ALDH1A2: variants seen among roughly 807,000 people sequenced by gnomAD.
ALDH1A2 encodes aldehyde dehydrogenase 1 family member A2, also known as retinal dehydrogenase 2.
A neutral mutation model predicts 60.3 loss-of-function variants in ALDH1A2; 27 were observed. That is an observed-to-expected ratio of 0.45 (90% confidence interval 0.33 to 0.62). ALDH1A2 has a LOEUF of 0.62. Among genes scored for constraint, ALDH1A2 ranks in the 20% least tolerant of loss-of-function variants. The pLI is 0.02. For synonymous variants in ALDH1A2, 289 were observed against 232.4 expected (o/e 1.24, Z -2.21); for missense variants, 581 against 643.8 (o/e 0.90, Z 1.06).
chr15:57,979,184 C>G (rs1338013246), intron 7 of ALDH1A2, among the ~76,000 whole-genome samples: 1 of 152,190 alleles, frequency 6.6e-6, no homozygotes, highest in Non-Finnish European at 1.5e-5. Flanking sequence ...GAAATCCAGC[C>G]ACTTGGGAGC....
Position 58,040,264 on chromosome 15 carries a change from A to G in ALDH1A2, c.117+25270T>C, listed in dbSNP as rs35746724. Among the ~76,000 whole-genome samples the G allele has an allele frequency of 2.6e-4, 39 of 152,014 alleles. No individual in the cohort carries two copies. In the East Asian group the frequency reaches 7.2e-3, roughly 28 times the overall value. The stretch of plus-strand genomic sequence containing the variant: ...ACTGGCTCTCTGAATCCACAGCTGA[A>G]GAGGCAGAATTGTTTGATAAGTACA... On this transcript the variant is annotated intron_variant, in intron 1 of 12. Coordinates refer to ENST00000249750, the MANE Select transcript of ALDH1A2 (RefSeq NM_003888.4).
At chr15:58,053,883 C>T (rs1293886175) in intron 1 of ALDH1A2, among the ~76,000 whole-genome samples, 1 of 152,118 alleles carries the variant, frequency 6.6e-6, no homozygotes, top group Non-Finnish European at 1.5e-5. Flanking sequence ...GCAATTACAG[C>T]CAACACGTGT....
chr15:58,050,313 C>G (rs150712201), intron 1 of ALDH1A2, among the ~76,000 whole-genome samples: 26 of 152,112 alleles, frequency 1.7e-4, no homozygotes, highest in Non-Finnish European at 3.2e-4. Flanking sequence ...TGTTTATTAA[C>G]TGGTCACAGA....
chr15:57,971,544 G>A (rs1894066865), intron 7 of ALDH1A2, among the ~76,000 whole-genome samples: 1 of 151,778 alleles, frequency 6.6e-6, no homozygotes, highest in South Asian at 2.1e-4. Context: ...TCCCAACTCA[G>A]CCTGAGTAGC....
intron 1 of ALDH1A2, among the ~76,000 whole-genome samples, chr15:58,032,294 G>T (rs1896260918): frequency 6.6e-6 from 1 of 151,976 alleles, no homozygotes; most frequent in South Asian, 2.1e-4. Context: ...TCATAGGTGG[G>T]AATTGAACAA....
intron 1 of ALDH1A2, among the ~76,000 whole-genome samples, chr15:58,028,991 C>A (rs1258679562): frequency 2.0e-5 from 3 of 152,112 alleles, no homozygotes; most frequent in African/African-American, 7.2e-5. Flanking sequence ...GATACATCTA[C>A]AAGAAAGAAG....
intron 1 of ALDH1A2, among the ~76,000 whole-genome samples, chr15:58,017,578 C>T (rs1324195179): frequency 1.3e-5 from 2 of 152,052 alleles, no homozygotes; most frequent in African/African-American, 2.4e-5. Context: ...CTATAACCTA[C>T]TAGAGATCTG....
intron 1 of ALDH1A2, among the ~76,000 whole-genome samples, chr15:58,027,633 A>G (rs1426074245): frequency 3.9e-5 from 6 of 152,206 alleles, no homozygotes; most frequent in Admixed American, 2.0e-4. Flanking sequence ...ACCCATCACA[A>G]GAAATCTAAA....
At chr15:58,025,438 T>C (rs1456566955) in intron 1 of ALDH1A2, among the ~76,000 whole-genome samples, 2 of 152,060 alleles carry the variant, frequency 1.3e-5, no homozygotes, top group Non-Finnish European at 2.9e-5. Context: ...CCTGGAAACA[T>C]ATAAGCTACC....
chr15:57,980,270 G>T (rs1485512938), intron 7 of ALDH1A2: 1 of 368,286 alleles, frequency 2.7e-6, no homozygotes, highest in Non-Finnish European at 5.5e-6. Context: ...CCCTGCTAGG[G>T]CAAAAAGAGA....
At chr15:58,057,456 TGGG>T (rs538739025) in intron 1 of ALDH1A2, among the ~76,000 whole-genome samples, 21 of 152,046 alleles carry the variant, frequency 1.4e-4, no homozygotes, top group Non-Finnish European at 2.6e-4. Flanking sequence ...AAGAAAGAAA[TGGG>T]GGCTTCAATT....
chr15:58,029,302 A>C (rs536700502), intron 1 of ALDH1A2, among the ~76,000 whole-genome samples: 7 of 152,148 alleles, frequency 4.6e-5, no homozygotes, highest in Non-Finnish European at 8.8e-5. Flanking sequence ...CTACTGGGTA[A>C]ATAACGAAAT....
At chr15:58,052,603 T>G (rs1211948718) in intron 1 of ALDH1A2, among the ~76,000 whole-genome samples, 2 of 152,144 alleles carry the variant, frequency 1.3e-5, no homozygotes, top group African/African-American at 4.8e-5. Flanking sequence ...ACAAAGCATT[T>G]TCATATTTCC....
At chr15:58,012,040 C>G (rs1895648138) in intron 3 of ALDH1A2, 1 of 152,172 alleles carries the variant, frequency 6.6e-6, no homozygotes, top group Non-Finnish European at 1.5e-5. Flanking sequence ...GTTTTCCAGT[C>G]AGGAGCTCCC....
At chr15:57,983,353 C>G (rs548899073) in intron 7 of ALDH1A2, among the ~76,000 whole-genome samples, 12 of 152,260 alleles carry the variant, frequency 7.9e-5, no homozygotes, top group African/African-American at 2.4e-4. Context: ...CGAGGGTCCT[C>G]ACAGCTAGCA....
intron 7 of ALDH1A2, among the ~76,000 whole-genome samples, chr15:57,975,340 G>A (rs1566934351): frequency 6.6e-6 from 1 of 152,230 alleles, no homozygotes; most frequent in Non-Finnish European, 1.5e-5. Context: ...ACAACAAATG[G>A]ATAAATCCAA....
chr15:58,059,810 G>A (rs1479138373), intron 1 of ALDH1A2, among the ~76,000 whole-genome samples: 2 of 152,104 alleles, frequency 1.3e-5, no homozygotes, highest in East Asian at 1.9e-4. Context: ...AATATATAAG[G>A]AGGATTCCAT....
chr15:58,030,775 T>C (rs1231160734), intron 1 of ALDH1A2, among the ~76,000 whole-genome samples: 4 of 152,000 alleles, frequency 2.6e-5, no homozygotes, highest in African/African-American at 9.7e-5. Context: ...TGAACTTCCA[T>C]TCATAATTGC....
chr15:57,960,206 A>G (rs905780632), intron 12 of ALDH1A2, among the ~76,000 whole-genome samples: 2 of 152,212 alleles, frequency 1.3e-5, no homozygotes, highest in Non-Finnish European at 2.9e-5. Flanking sequence ...AAGGACCTGC[A>G]TCTTCCTCCA....
Sources: gnomAD v4.1 joint callset for allele counts (sites outside exome capture counted in the v4.1 genomes callset) on GRCh38, gnomAD v4.1.1 for gene constraint, MANE v1.5 for transcripts, NCBI Gene and HGNC (gene_info 2026-07-23, HGNC 2026-07-21) for gene names.